Variants in CCSER1 observed in about 807,000 individuals in gnomAD.
The protein encoded by CCSER1 is coiled-coil serine rich protein 1.
CCSER1 carries 41 observed loss-of-function variants against 82.0 expected under a neutral mutation model. The ratio of observed to expected loss-of-function variants is 0.50; its 90% CI spans 0.39 to 0.65. The LOEUF (loss-of-function observed/expected upper bound fraction) is 0.65. Among genes scored for constraint, CCSER1 ranks in the 30% least tolerant of loss-of-function variants. The pLI is 0.00. For missense variants in CCSER1, 1,119 were observed against 1,064.2 expected, an observed-to-expected ratio of 1.05 and a Z score of -0.72; for synonymous variants, 414 against 383.9, an observed-to-expected ratio of 1.08 and a Z score of -0.92.
intron 9 of CCSER1, among the ~76,000 whole-genome samples, chr4:90,996,402 T>C (rs1581287120): frequency 6.6e-6 from 1 of 152,124 alleles, no homozygotes; most frequent in East Asian, 1.9e-4. Context: ...AATAGGTAAA[T>C]AGATAATACT....
intron 5 of CCSER1, among the ~76,000 whole-genome samples, chr4:90,548,658 A>G (rs1777080154): frequency 6.6e-6 from 1 of 151,810 alleles, no homozygotes; most frequent in Non-Finnish European, 1.5e-5. Flanking sequence ...TATTTGTGTC[A>G]TGCTAAGCAG....
chr4:91,485,639 C>A (rs1298338047), intron 10 of CCSER1, among the ~76,000 whole-genome samples: 2 of 152,126 alleles, frequency 1.3e-5, no homozygotes, highest in Non-Finnish European at 2.9e-5. Flanking sequence ...TGCAAGCTGC[C>A]TGTGTTGTCA....
intron 6 of CCSER1, among the ~76,000 whole-genome samples, chr4:90,698,985 C>T (rs916775698): frequency 7.9e-5 from 12 of 152,026 alleles, no homozygotes; most frequent in Admixed American, 4.6e-4. Context: ...CCTGTAGTCC[C>T]AGCTACTCAG....
chr4:91,392,676 ATAG>A (rs1250814690), intron 10 of CCSER1, among the ~76,000 whole-genome samples: 15 of 152,100 alleles, frequency 9.9e-5, no homozygotes, highest in Non-Finnish European at 1.9e-4. Flanking sequence ...CATTTTTTGA[ATAG>A]TAGTTAAAAT....
At chr4:90,565,956 G>T (rs1430728238) in intron 5 of CCSER1, among the ~76,000 whole-genome samples, 1 of 151,246 alleles carries the variant, frequency 6.6e-6, no homozygotes, top group Admixed American at 6.6e-5. Context: ...TGCCTCCCGG[G>T]TTCAAGTGAT....
intron 10 of CCSER1, among the ~76,000 whole-genome samples, chr4:91,533,947 G>GA (rs1030523104): frequency 2.8e-4 from 42 of 151,478 alleles, no homozygotes; most frequent in African/African-American, 9.2e-4. Context: ...AAACAAAACT[G>GA]AAAAAAAATT....
intron 3 of CCSER1, among the ~76,000 whole-genome samples, chr4:90,348,795 A>G (rs1270300636): frequency 6.6e-6 from 1 of 152,112 alleles, no homozygotes; most frequent in Non-Finnish European, 1.5e-5. Flanking sequence ...TTTCCCACAA[A>G]CTATTATGTG....
chr4:91,024,276 C>T (rs1740290298), intron 9 of CCSER1, among the ~76,000 whole-genome samples: 1 of 152,126 alleles, frequency 6.6e-6, no homozygotes, highest in African/African-American at 2.4e-5. Context: ...AAGGTGTTTA[C>T]AAACTTTTAC....
chr4:90,355,034 A>G (rs901817343), intron 3 of CCSER1, among the ~76,000 whole-genome samples: 6 of 152,034 alleles, frequency 3.9e-5, no homozygotes, highest in African/African-American at 1.2e-4. Context: ...CATTAACTCT[A>G]CTAAAAAAGA....
chr4:90,635,052 C>T (rs1194182604), intron 6 of CCSER1, among the ~76,000 whole-genome samples: 1 of 151,622 alleles, frequency 6.6e-6, no homozygotes, highest in African/African-American at 2.4e-5. Context: ...TGGCTTGTTT[C>T]ACCAATACAC....
intron 10 of CCSER1, among the ~76,000 whole-genome samples, chr4:91,432,157 T>A (rs1754367505): frequency 6.6e-6 from 1 of 152,196 alleles, no homozygotes; most frequent in Admixed American, 6.5e-5. Context: ...TTCTTGCTTC[T>A]TCTTTGCCTT....
intron 7 of CCSER1, among the ~76,000 whole-genome samples, chr4:90,744,750 C>T (rs1007086377): frequency 2.0e-5 from 3 of 152,052 alleles, no homozygotes; most frequent in African/African-American, 7.2e-5. Flanking sequence ...CTATTGTGAA[C>T]TGCACGTACA....
intron 6 of CCSER1, among the ~76,000 whole-genome samples, chr4:90,668,418 A>C (rs1181037236): frequency 6.6e-6 from 1 of 152,216 alleles, no homozygotes; most frequent in Non-Finnish European, 1.5e-5. Context: ...TTAAAATATT[A>C]GCCTGTTGCC....
At chr4:90,899,801 CT>C (rs1724323794) in intron 8 of CCSER1, among the ~76,000 whole-genome samples, 1 of 151,972 alleles carries the variant, frequency 6.6e-6, no homozygotes, top group African/African-American at 2.4e-5. Context: ...ACAAAATTCA[CT>C]TGATTGTTAT....
At chr4:90,273,868 T>C (rs1560924709) in intron 1 of CCSER1, among the ~76,000 whole-genome samples, 2 of 152,136 alleles carry the variant, frequency 1.3e-5, no homozygotes, top group African/African-American at 4.8e-5. Flanking sequence ...TTCCATTCTT[T>C]CAAGTGGTTA....
intron 10 of CCSER1, among the ~76,000 whole-genome samples, chr4:91,417,784 C>G (rs879805677): frequency 6.6e-6 from 1 of 151,752 alleles, no homozygotes; most frequent in African/African-American, 2.4e-5. Context: ...TGCAGACCAC[C>G]GTGACACATG....
At chr4:90,619,836 T>G (rs925606499) in intron 5 of CCSER1, among the ~76,000 whole-genome samples, 1 of 152,224 alleles carries the variant, frequency 6.6e-6, no homozygotes, top group African/African-American at 2.4e-5. Context: ...CTACATTCAT[T>G]AATTCTGATT....
chr4:90,324,573 G>A (rs200234198), intron 3 of CCSER1, among the ~76,000 whole-genome samples: 3 of 150,100 alleles, frequency 2.0e-5, no homozygotes, highest in South Asian at 2.2e-4. Context: ...GATATTAGCC[G>A]TTTGTCAGAT....
chr4:91,252,715 A>G (rs1740346210), intron 10 of CCSER1, among the ~76,000 whole-genome samples: 1 of 152,196 alleles, frequency 6.6e-6, no homozygotes, highest in South Asian at 2.1e-4. Context: ...GGGTTTGTGT[A>G]TGTTATTGAA....
Sources: allele counts gnomAD v4.1 joint callset (sites outside exome capture counted in the v4.1 genomes callset), GRCh38; gene constraint gnomAD v4.1.1; transcripts MANE v1.5; gene names NCBI Gene and HGNC (gene_info 2026-07-23, HGNC 2026-07-21).